Variants in NBPF12 observed in about 807,000 individuals in gnomAD.
NBPF12 encodes NBPF member 12, also known as NBPF family member NBPF12.
NBPF12 carries 115 observed loss-of-function variants against 146.4 expected under a neutral mutation model. That is an observed-to-expected ratio of 0.79 (90% confidence interval 0.68 to 0.92). The LOEUF (loss-of-function observed/expected upper bound fraction) is 0.92, where lower values mean the gene tolerates loss of function less well. NBPF12 is among the 40% of genes least tolerant of loss of function. NBPF12 has a pLI of 0.00. For missense variants in NBPF12, 1,205 were observed against 1,326.8 expected (o/e 0.91, Z 1.43); for synonymous variants, 385 against 508.9 (o/e 0.76, Z 3.28).
upstream of NBPF12, among the ~76,000 whole-genome samples, chr1:146,948,820 C>A (rs1399583698): frequency 1.3e-5 from 2 of 151,312 alleles, no homozygotes; most frequent in South Asian, 4.2e-4. Context: ...TCCTGCTCAT[C>A]CCTGGGCAAT....
chr1:146,963,419 C>T, intron 6 of NBPF12, 110 bp downstream of exon 9: 6 of 1,598,562 alleles, frequency 3.8e-6, no homozygotes, highest in Non-Finnish European at 5.1e-6. Context: ...TTCTACTACA[C>T]ATATGTGGCC....
chr1:146,973,328 A>T (rs1158979682), intron 14 of NBPF12, among the ~76,000 whole-genome samples: 1 of 151,826 alleles, frequency 6.6e-6, no homozygotes, highest in Non-Finnish European at 1.5e-5. Flanking sequence ...GTCTGAGACT[A>T]GTGAACTTTT....
rs1351555933 is a variant in NBPF12, at chr1:146,941,061, G to GT, written c.-822+2085dup. Among the ~76,000 whole-genome samples, 283 of 152,054 alleles carry GT rather than the reference G, an allele frequency of 1.9e-3. 2 individuals carry two copies. Among genetic ancestry groups the GT allele is most frequent in the Non-Finnish European group, 3.0e-3 (204 of 68,016 alleles). ...CTTGCGTTTTCACTCTTTTAATGAT[G>GT]TTTTTTCATGAATGGAGATTCTCTA... is the stretch of plus-strand genomic sequence containing the variant. On this transcript the variant is annotated intron_variant, in intron 1 of 35. Transcript: ENST00000617931.
intron 2 of NBPF12, among the ~76,000 whole-genome samples, chr1:146,955,671 C>CT (rs1464266573): frequency 6.8e-6 from 1 of 148,144 alleles, no homozygotes; most frequent in Non-Finnish European, 1.5e-5. Flanking sequence ...ATAACTAAGT[C>CT]TGAGTCCTAA....
At chr1:146,941,483 C>A (rs1388859331) in intron 1 of NBPF12, among the ~76,000 whole-genome samples, 3 of 147,248 alleles carry the variant, frequency 2.0e-5, no homozygotes, top group Non-Finnish European at 3.0e-5. Flanking sequence ...TGGCCAGGTG[C>A]GGTGGCTCAT....
At chr1:146,959,880 C>A in exon 3 of NBPF12, 1 of 165,716 alleles carries the variant, frequency 6.0e-6, no homozygotes, top group South Asian at 4.2e-5. Flanking sequence ...GCACGCTGGC[C>A]ACAATCTACC....
chr1:146,984,577 CTGTGTGTGTGTGTGTGTG>C (rs1195588193), intron 21 of NBPF12, among the ~76,000 whole-genome samples: 1,734 of 132,776 alleles, frequency 0.013, 99 homozygotes, highest in African/African-American at 0.051. Flanking sequence ...TGAGCTCACA[CTGTGTGTGTGTGTGTGTG>C]TGTGTGTGTG....
intron 11 of NBPF12, 36 bp downstream of exon 14, chr1:146,969,632 C>T (rs1404906685): frequency 1.3e-5 from 21 of 1,598,570 alleles, no homozygotes; most frequent in African/African-American, 4.1e-5. Flanking sequence ...CCCAAAACCC[C>T]AGGCTTATGA....
chr1:146,962,368 C>G (rs1370696779), intron 5 of NBPF12, 105 bp downstream of exon 8: 27 of 910,436 alleles, frequency 3.0e-5, no homozygotes, highest in African/African-American at 1.6e-4. Context: ...AGGGAAAGGG[C>G]AGAAATTGCC....
exon 34 of NBPF12, chr1:146,995,726 G>T (rs1452843272): frequency 6.7e-6 from 1 of 150,306 alleles, no homozygotes; most frequent in African/African-American, 2.5e-5. Flanking sequence ...GGCAGAGAAG[G>T]TCTAGTTTGT....
chr1:146,964,415 A>G, exon 7 of NBPF12: 1 of 1,601,598 alleles, frequency 6.2e-7, no homozygotes, highest in Non-Finnish European at 8.5e-7. Flanking sequence ...AAGTACTGGA[A>G]TCATCTGCCC....
exon 1 of NBPF12, chr1:146,938,887 C>G (rs1162583574): frequency 6.6e-6 from 1 of 152,152 alleles, no homozygotes; most frequent in Non-Finnish European, 1.5e-5. Context: ...GGACGGGCGA[C>G]CTGCGGCGCC....
chr1:146,970,918 A>G lies in NBPF12; in HGVS notation c.1379+199A>G, dbSNP rs1162180602. ...GTGCCAAGTGTCATGTCTGTACCAT[A>G]CAGGGATAGCTGAGTCTTCATCCTC... On this transcript the variant is annotated intron_variant, in intron 12 of 33. Coordinates refer to ENST00000617844, the Ensembl canonical transcript of NBPF12. Among the ~76,000 whole-genome samples the G allele has an allele frequency of 2.0e-5, 3 of 151,354 alleles. 1 individual carries two copies. Among genetic ancestry groups the G allele is most frequent in the Non-Finnish European group, 4.4e-5 (3 of 68,014 alleles).
intron 20 of NBPF12, 72 bp from the exon 24 acceptor site, chr1:146,984,062 G>T: frequency 1.5e-6 from 1 of 681,312 alleles, no homozygotes; most frequent in Non-Finnish European, 2.5e-6. Flanking sequence ...TGTTAGGATT[G>T]GACAGAGGAA....
At chr1:146,978,694 G>GA (rs1215590266) in intron 18 of NBPF12, among the ~76,000 whole-genome samples, 30 of 146,714 alleles carry the variant, frequency 2.0e-4, no homozygotes, top group South Asian at 8.8e-4. Flanking sequence ...TTTTTTTGGG[G>GA]AAAAAATTTT....
chr1:146,981,301 A>ATCTG (rs1657370754), intron 19 of NBPF12, among the ~76,000 whole-genome samples: 1 of 138,064 alleles, frequency 7.2e-6, no homozygotes, highest in African/African-American at 2.7e-5. Context: ...AAAAATATAT[A>ATCTG]TATATATATA....
chr1:146,985,763 T>A lies in NBPF12; in HGVS notation c.2891+7T>A. ...AAGACCCATCATGCCCCAGGTAACTTTGAGCAATTATGGATGCTTAATTCT... is the reference window on the plus strand; with the variant it reads ...AAGACCCATCATGCCCCAGGTAACTATGAGCAATTATGGATGCTTAATTCT... On this transcript the variant is annotated splice_region_variant and intron_variant, in intron 23 of 33. Coordinates refer to ENST00000617844, the Ensembl canonical transcript of NBPF12. 1 of 768,010 alleles carries A rather than the reference T, an allele frequency of 1.3e-6. No homozygotes were observed. The allele number at this position is 768,010 out of a possible 1,614,324, so 47.6% of individuals were successfully genotyped here. A position where few individuals can be genotyped will look rare whatever the true frequency, so the allele number is the denominator to read the frequency against.
intron 16 of NBPF12, among the ~76,000 whole-genome samples, 155 bp from the exon 20 acceptor site, chr1:146,976,774 C>T (rs1222893146): frequency 9.3e-5 from 14 of 149,806 alleles, no homozygotes; most frequent in East Asian, 6.0e-4. Context: ...GACCAGGAAA[C>T]CATGCCAGGG....
chr1:146,966,497 G>C, exon 9 of NBPF12: 3 of 1,454,732 alleles, frequency 2.1e-6, no homozygotes, highest in Non-Finnish European at 1.9e-6. Context: ...ACAAACGTCA[G>C]CATGGTGGTA....
Sources: allele counts gnomAD v4.1 joint callset (sites outside exome capture counted in the v4.1 genomes callset), GRCh38; gene constraint gnomAD v4.1.1; transcripts MANE v1.5; gene names NCBI Gene and HGNC (gene_info 2026-07-23, HGNC 2026-07-21).